TMCO4: variants seen among roughly 807,000 people sequenced by gnomAD.
TMCO4 encodes the protein transmembrane and coiled-coil domain-containing protein 4.
TMCO4 carries 58 observed loss-of-function variants against 64.7 expected under a neutral mutation model. The observed-to-expected ratio is 0.90, with a 90% confidence interval of 0.73 to 1.12. The LOEUF (loss-of-function observed/expected upper bound fraction) is 1.12, where lower values mean the gene tolerates loss of function less well. TMCO4 is among the 50% of genes most tolerant of loss of function. The probability of loss-of-function intolerance (pLI) is 0.00; values close to 1 mark genes in which losing one functional copy is unlikely to be tolerated. For missense variants in TMCO4, 780 were observed against 825.9 expected (o/e 0.94, Z 0.68); for synonymous variants, 325 against 346.1 (o/e 0.94, Z 0.68).
At chr1:19,788,498 A>AT in intron 2 of TMCO4, among the ~76,000 whole-genome samples, 1 of 152,214 alleles carries the variant, frequency 6.6e-6, no homozygotes, top group East Asian at 1.9e-4. Context: ...GATGATTTTA[A>AT]TTTTTTTATA....
chr1:19,713,505 A>G (rs2095341393), intron 13 of TMCO4, among the ~76,000 whole-genome samples: 1 of 152,054 alleles, frequency 6.6e-6, no homozygotes, highest in Non-Finnish European at 1.5e-5. Context: ...GGATCCACAT[A>G]AAGAACTGGA....
Position 19,740,781 on chromosome 1 carries a change from C to T in TMCO4, c.1038G>A (p.Leu346=), listed in dbSNP as rs760392308. 6 of 1,610,082 alleles carry T rather than the reference C, an allele frequency of 3.7e-6. No homozygotes were observed. The highest frequency in any genetic ancestry group is 5.1e-6 in the Non-Finnish European group (6 of 1,177,884). Residue 346 remains leucine (L), a synonymous_variant, in exon 11 of 16, where the codon TTG becomes TTA. Transcript: ENST00000294543. ...VAQEALKYTV[L]SGIVAALTWP... The stretch of plus-strand genomic sequence containing the variant: ...GGGGCAGGTGGGGGCACTTACCAGA[C>T]AACACTGTGTACTTTAGGGCCTCCT...
intron 6 of TMCO4, among the ~76,000 whole-genome samples, chr1:19,765,082 TC>T (rs2042675692): frequency 6.6e-6 from 1 of 152,082 alleles, no homozygotes; most frequent in Non-Finnish European, 1.5e-5. Flanking sequence ...GAGGTGATCC[TC>T]CCTTTGGATT....
chr1:19,777,961 C>T (rs2043286206), intron 4 of TMCO4, among the ~76,000 whole-genome samples: 1 of 152,106 alleles, frequency 6.6e-6, no homozygotes, highest in African/African-American at 2.4e-5. Flanking sequence ...ACCACTTGGG[C>T]CCAGGAGTTT....
At chr1:19,763,471 T>C (rs540318518) in intron 6 of TMCO4, among the ~76,000 whole-genome samples, 1 of 152,230 alleles carries the variant, frequency 6.6e-6, no homozygotes, top group Admixed American at 6.5e-5. Context: ...AAGTGCCCGA[T>C]ACAGGGTGGC....
At chr1:19,744,159 G>A (rs1003657148) in intron 10 of TMCO4, among the ~76,000 whole-genome samples, 1 of 152,076 alleles carries the variant, frequency 6.6e-6, no homozygotes, top group Non-Finnish European at 1.5e-5. Flanking sequence ...AGGTTGGGAC[G>A]TTTAGGATTC....
chr1:19,726,318 G>T (rs1443772764), intron 13 of TMCO4, among the ~76,000 whole-genome samples: 3 of 152,102 alleles, frequency 2.0e-5, no homozygotes, highest in African/African-American at 4.8e-5. Context: ...GGCCCTGGGT[G>T]TGATGCCTGG....
At chr1:19,725,173 G>A (rs992431506) in intron 13 of TMCO4, among the ~76,000 whole-genome samples, 1 of 152,174 alleles carries the variant, frequency 6.6e-6, no homozygotes, top group Non-Finnish European at 1.5e-5. Flanking sequence ...TTGACTAATG[G>A]ACCCTAGGGC....
chr1:19,711,679 CAG>C (rs1231311222), intron 13 of TMCO4, among the ~76,000 whole-genome samples: 1 of 150,788 alleles, frequency 6.6e-6, no homozygotes, highest in South Asian at 2.1e-4. Flanking sequence ...TTTTTTGAGA[CAG>C]AGTTTTGCTC....
intron 6 of TMCO4, among the ~76,000 whole-genome samples, chr1:19,767,726 G>A (rs890358795): frequency 2.0e-5 from 3 of 152,192 alleles, no homozygotes; most frequent in Non-Finnish European, 4.4e-5. Flanking sequence ...CTGACTCCCA[G>A]TCTACCTCTG....
At chr1:19,730,788 AG>A (rs1425179677) in intron 13 of TMCO4, among the ~76,000 whole-genome samples, 2 of 152,124 alleles carry the variant, frequency 1.3e-5, no homozygotes, top group African/African-American at 4.8e-5. Flanking sequence ...GGCAGTGGAG[AG>A]GGGAGGCTGG....
At chr1:19,762,796 C>T (rs1423456168) in intron 6 of TMCO4, among the ~76,000 whole-genome samples, 1 of 152,206 alleles carries the variant, frequency 6.6e-6, no homozygotes, top group African/African-American at 2.4e-5. Flanking sequence ...GGCTCCATCT[C>T]TGAGCATGGA....
At chr1:19,738,066 G>A (rs2100831288) in intron 12 of TMCO4, among the ~76,000 whole-genome samples, 1 of 152,354 alleles carries the variant, frequency 6.6e-6, no homozygotes, top group African/African-American at 2.4e-5. Flanking sequence ...TAAAGAAAAT[G>A]AAAGTTATCT....
At chr1:19,715,370 A>T (rs1414886994) in intron 13 of TMCO4, among the ~76,000 whole-genome samples, 2 of 152,128 alleles carry the variant, frequency 1.3e-5, no homozygotes, top group African/African-American at 2.4e-5. Context: ...CAGCCTCCCA[A>T]GTTGCTGGGA....
chr1:19,747,359 G>C, intron 7 of TMCO4, 99 bp from the exon 8 acceptor site: 1 of 1,016,990 alleles, frequency 9.8e-7, no homozygotes, highest in Non-Finnish European at 1.5e-6. Context: ...ATGCTGGGTA[G>C]CTACTCTGCC....
intron 4 of TMCO4, among the ~76,000 whole-genome samples, chr1:19,776,756 G>T (rs139279630): frequency 3.9e-5 from 6 of 152,158 alleles, no homozygotes; most frequent in African/African-American, 1.2e-4. Context: ...AGGCGGCCGC[G>T]GTGGCTCACG....
At chr1:19,736,133 T>G (rs955483242) in intron 13 of TMCO4, among the ~76,000 whole-genome samples, 5 of 152,182 alleles carry the variant, frequency 3.3e-5, no homozygotes, top group Non-Finnish European at 7.3e-5. Flanking sequence ...TTGGCCACCG[T>G]GTTTGGAGAG....
At chr1:19,718,120 G>C (rs551218462) in intron 13 of TMCO4, among the ~76,000 whole-genome samples, 21 of 152,096 alleles carry the variant, frequency 1.4e-4, no homozygotes, top group Admixed American at 1.4e-3. Flanking sequence ...ATCACCTGAG[G>C]TCAGGAGTTC....
intron 7 of TMCO4, among the ~76,000 whole-genome samples, chr1:19,749,896 A>G (rs1433415277): frequency 6.6e-6 from 1 of 150,788 alleles, no homozygotes; most frequent in Non-Finnish European, 1.5e-5. Context: ...TTGTTATGGC[A>G]GCAAAACCTA....
Sources: allele counts gnomAD v4.1 joint callset (sites outside exome capture counted in the v4.1 genomes callset), GRCh38; gene constraint gnomAD v4.1.1; transcripts MANE v1.5; gene names NCBI Gene and HGNC (gene_info 2026-07-23, HGNC 2026-07-21).